Variants in COL10A1 observed in about 807,000 individuals in gnomAD.
COL10A1 encodes the protein collagen alpha-1(X) chain.
Under a neutral mutation model 18.2 loss-of-function variants are expected in COL10A1, and 10 were observed. That is an observed-to-expected ratio of 0.55 (90% CI 0.34 to 0.93). COL10A1 has a LOEUF of 0.93. Among genes scored for constraint, COL10A1 ranks in the 40% least tolerant of loss-of-function variants. The pLI is 0.02. For synonymous variants in COL10A1, 330 were observed against 316.6 expected (o/e 1.04, Z -0.45); for missense variants, 897 against 853.5 (o/e 1.05, Z -0.64).
chr6:116,133,188 C>G (rs1252025811), intron 1 of COL10A1, among the ~76,000 whole-genome samples: 2 of 152,134 alleles, frequency 1.3e-5, no homozygotes, highest in African/African-American at 4.8e-5. Context: ...AGTAACCCAG[C>G]TGAGTTAAAA....
chr6:116,164,695 G>C, the COL10A1 span, among the ~76,000 whole-genome samples: 1 of 152,152 alleles, frequency 6.6e-6, no homozygotes, highest in Non-Finnish European at 1.5e-5. Flanking sequence ...GTGTGCTTTT[G>C]TGGTAGCAAG....
the COL10A1 span, among the ~76,000 whole-genome samples, chr6:116,179,098 A>G: frequency 1.3e-5 from 2 of 152,180 alleles, no homozygotes; most frequent in African/African-American, 4.8e-5. Context: ...ATTTAACATA[A>G]GTAGAGATAT....
Position 116,121,367 on chromosome 6 carries a change from C to G in COL10A1, c.749G>C (p.Gly250Ala), listed in dbSNP as rs760026058. 36 of 1,613,990 alleles carry G rather than the reference C, an allele frequency of 2.2e-5. No homozygotes were observed. In the East Asian group the frequency reaches 7.6e-4, roughly 34 times the overall value. The change falls in exon 3 of 3, where the codon GGT (glycine) becomes GCT (alanine). Residue 250 changes from glycine to alanine, a missense_variant. Gly to Ala is a moderately conservative substitution (Grantham distance 60, BLOSUM62 0). Transcript: ENST00000651968. ...TCGTTCCCCAGGAGGGCCTTGGGGA[C>G]CTGGTGGGCCAATTGGTCCCATTTC... ...PGEMGPIGPP[G>A]PQGPPGERGP...
chr6:116,129,182 T>C (rs1779401507), upstream of COL10A1, among the ~76,000 whole-genome samples: 1 of 152,198 alleles, frequency 6.6e-6, no homozygotes, highest in African/African-American at 2.4e-5. Context: ...CTTAATATCA[T>C]CAAATCCTGT....
chr6:116,148,826 A>G (rs562170618), intron 1 of COL10A1, among the ~76,000 whole-genome samples: 16 of 152,194 alleles, frequency 1.1e-4, no homozygotes, highest in Non-Finnish European at 1.8e-4. Context: ...AGTCATTTCT[A>G]TAAGTCAAAA....
chr6:116,123,588 T>G (rs1183067721), intron 2 of COL10A1, among the ~76,000 whole-genome samples: 1 of 152,250 alleles, frequency 6.6e-6, no homozygotes, highest in South Asian at 2.1e-4. Flanking sequence ...CTGTGTTGGA[T>G]GGATATGCCT....
At position 116,120,733 on chromosome 6, in the gene COL10A1, T is replaced by G; in HGVS notation, c.1383A>C (p.Gly461=). 1 of 1,589,884 alleles carries G rather than the reference T, an allele frequency of 6.3e-7. No individual in the cohort carries two copies. Among genetic ancestry groups the G allele is most frequent in the Non-Finnish European group, 8.5e-7 (1 of 1,170,474 alleles). The part of the protein sequence containing the change: ...RGPIGPPGIP[G]FPGSKGDPGS... Reference sequence around the variant, plus strand: ...CTGGATCCCCTTTAGACCCAGGGAATCCTGGAATGCCTGGTGGCCCAATAG... The same window carrying G: ...CTGGATCCCCTTTAGACCCAGGGAAGCCTGGAATGCCTGGTGGCCCAATAG... Residue 461 remains glycine (G), a synonymous_variant, in exon 3 of 3, where the codon GGA becomes GGC. Coordinates refer to ENST00000651968, the MANE Select transcript of COL10A1 (RefSeq NM_000493.4).
the COL10A1 span, among the ~76,000 whole-genome samples, chr6:116,180,563 A>C: frequency 6.6e-6 from 1 of 152,102 alleles, no homozygotes; most frequent in African/African-American, 2.4e-5. Context: ...AGAAAGAAAC[A>C]TTCAGCCATT....
At chr6:116,191,177 C>G in the COL10A1 span, among the ~76,000 whole-genome samples, 1 of 152,006 alleles carries the variant, frequency 6.6e-6, no homozygotes, top group African/African-American at 2.4e-5. Flanking sequence ...CTCTGGAAGT[C>G]GATATCCTAA....
chr6:116,196,904 C>T, the COL10A1 span, among the ~76,000 whole-genome samples: 1 of 151,574 alleles, frequency 6.6e-6, no homozygotes, highest in African/African-American at 2.4e-5. Flanking sequence ...CTCTTCTACT[C>T]TGGTGTTGGA....
the COL10A1 span, among the ~76,000 whole-genome samples, chr6:116,208,154 G>A: frequency 6.6e-6 from 1 of 151,934 alleles, no homozygotes; most frequent in Non-Finnish European, 1.5e-5. Context: ...TATTTTTTCT[G>A]ATCTCTTTGT....
At chr6:116,140,460 A>G (rs1049844296) in intron 1 of COL10A1, among the ~76,000 whole-genome samples, 1 of 152,146 alleles carries the variant, frequency 6.6e-6, no homozygotes, top group African/African-American at 2.4e-5. Flanking sequence ...GGATATGTGT[A>G]TAGTATATAT....
intron 1 of COL10A1, among the ~76,000 whole-genome samples, chr6:116,155,296 T>A (rs985601808): frequency 3.9e-5 from 6 of 152,180 alleles, no homozygotes; most frequent in Non-Finnish European, 7.4e-5. Context: ...TGGGATAATC[T>A]GAGAAAAATA....
rs2114283577 is a variant in COL10A1, at chr6:116,120,866, G to A, written c.1250C>T (p.Pro417Leu). 1 of 1,613,844 alleles carries A rather than the reference G, an allele frequency of 6.2e-7. No individual in the cohort carries two copies. The highest frequency in any genetic ancestry group is 8.5e-7 in the Non-Finnish European group (1 of 1,179,890). The change falls in exon 3 of 3, where the codon CCT becomes CTT. Residue 417 changes from proline (P) to leucine (L), a missense_variant. Coordinates refer to ENST00000651968, the MANE Select transcript of COL10A1 (RefSeq NM_000493.4). ...GPKGDPGVGG[P>L]PGLPGPVGPA... is the part of the protein sequence containing the mutation. ...GCCCACAGGGCCTGGGAGACCAGGAGGTCCTCCAACTCCAGGATCACCTTT... is the reference window on the plus strand; with the variant it reads ...GCCCACAGGGCCTGGGAGACCAGGAAGTCCTCCAACTCCAGGATCACCTTT...
chr6:116,149,306 A>C (rs1779975352), intron 1 of COL10A1, among the ~76,000 whole-genome samples: 1 of 152,244 alleles, frequency 6.6e-6, no homozygotes, highest in Non-Finnish European at 1.5e-5. Flanking sequence ...TCATCACTGC[A>C]AAATTTCAGA....
intron 1 of COL10A1, among the ~76,000 whole-genome samples, chr6:116,152,553 T>C (rs972888895): frequency 1.3e-5 from 2 of 152,186 alleles, no homozygotes; most frequent in African/African-American, 4.8e-5. Context: ...ACTGGATTTA[T>C]TCCCCTCTAT....
chr6:116,139,668 C>G (rs1779714598), intron 1 of COL10A1, among the ~76,000 whole-genome samples: 1 of 152,012 alleles, frequency 6.6e-6, no homozygotes, highest in African/African-American at 2.4e-5. Flanking sequence ...TTTTGATTTG[C>G]AAATTACACA....
At chr6:116,209,690 G>T in the COL10A1 span, among the ~76,000 whole-genome samples, 1 of 151,982 alleles carries the variant, frequency 6.6e-6, no homozygotes, top group African/African-American at 2.4e-5. Context: ...ACGTTTATTT[G>T]GGGTTTTTTT....
intron 1 of COL10A1, chr6:116,136,975 A>T (rs1033351343): frequency 2.6e-5 from 4 of 156,460 alleles, no homozygotes; most frequent in Non-Finnish European, 5.7e-5. Context: ...ACAAAATTCA[A>T]CCCGATGGTG....
Sources: allele counts gnomAD v4.1 joint callset (sites outside exome capture counted in the v4.1 genomes callset), GRCh38; gene constraint gnomAD v4.1.1; transcripts MANE v1.5; gene names NCBI Gene and HGNC (gene_info 2026-07-23, HGNC 2026-07-21).